Variants in GDPD4 observed in about 807,000 individuals in gnomAD.
The protein encoded by GDPD4 is glycerophosphodiester phosphodiesterase 6.
Under a neutral mutation model 67.8 loss-of-function variants are expected in GDPD4, and 60 were observed. The ratio of observed to expected loss-of-function variants is 0.88; its 90% confidence interval spans 0.72 to 1.10. The LOEUF (loss-of-function observed/expected upper bound fraction) is 1.10. Among genes scored for constraint, GDPD4 ranks in the 50% least tolerant of loss-of-function variants. The pLI, the probability that GDPD4 is intolerant of heterozygous loss-of-function variation, is 0.00. For missense variants in GDPD4, 623 were observed against 613.9 expected, an observed-to-expected ratio of 1.01 and a Z score of -0.16; for synonymous variants, 212 against 210.9, an observed-to-expected ratio of 1.00 and a Z score of -0.04.
intron 11 of GDPD4, among the ~76,000 whole-genome samples, chr11:77,246,558 G>T (rs907710461): frequency 1.2e-4 from 19 of 152,082 alleles, no homozygotes; most frequent in African/African-American, 4.6e-4. Flanking sequence ...TGCAACCTTG[G>T]TAATAAAACC....
intron 16 of GDPD4, among the ~76,000 whole-genome samples, chr11:77,223,429 A>G (rs1958265803): frequency 6.6e-6 from 1 of 152,074 alleles, no homozygotes; most frequent in African/African-American, 2.4e-5. Context: ...TTTTCCTTCT[A>G]ACAAACAGTC....
chr11:77,223,793 C>A (rs1958273264), intron 16 of GDPD4, among the ~76,000 whole-genome samples: 1 of 152,324 alleles, frequency 6.6e-6, no homozygotes, highest in African/African-American at 2.4e-5. Context: ...CTATGCCCTG[C>A]CCCCAGAGGT....
At position 77,243,795 on chromosome 11, in the gene GDPD4, A is replaced by G. The variant is rs1029143976; in HGVS notation, c.1140T>C (p.Gly380=). 2 of 1,613,700 alleles carry G rather than the reference A, an allele frequency of 1.2e-6. No homozygotes were observed. The highest frequency in any genetic ancestry group is 2.7e-5 in the African/African-American group (2 of 74,900). ...ATACTAAACGGCCCACATGCTGAAAACCAGGAGCCACGGACCTGACGTATT... is the reference window on the plus strand; with the variant it reads ...ATACTAAACGGCCCACATGCTGAAAGCCAGGAGCCACGGACCTGACGTATT... ...DRQYVRSVAP[G]FQHVGRLVSI... is the part of the protein sequence containing the mutation. The change falls in exon 13 of 17, where the codon GGT becomes GGC. Residue 380 remains glycine (G), a synonymous_variant. Transcript: ENST00000315938.
chr11:77,232,914 C>G (rs1449581956), intron 14 of GDPD4, 111 bp downstream of exon 14: 1 of 895,970 alleles, frequency 1.1e-6, no homozygotes, highest in African/African-American at 1.7e-5. Context: ...TCATAGAAGT[C>G]TGTACTCTTA....
intron 2 of GDPD4, 114 bp from the exon 3 acceptor site, chr11:77,285,301 T>A: frequency 3.3e-6 from 2 of 614,562 alleles, no homozygotes; most frequent in Non-Finnish European, 5.8e-6. Context: ...ATTACCCTCC[T>A]GAGGCTGGAG....
chr11:77,268,603 G>A (rs1286835403), intron 9 of GDPD4, 64 bp from the exon 10 acceptor site: 6 of 1,280,354 alleles, frequency 4.7e-6, no homozygotes, highest in Non-Finnish European at 6.8e-6. Flanking sequence ...TTCCTTTTGT[G>A]GTAGGGGTAG....
At chr11:77,268,797 CTT>C in intron 9 of GDPD4, 125 bp downstream of exon 9, 1 of 1,007,714 alleles carries the variant, frequency 9.9e-7, no homozygotes, top group Non-Finnish European at 1.5e-6. Flanking sequence ...ACAATGAACT[CTT>C]TATTCTTGCC....
chr11:77,262,854 C>CAAAAAAAAAAAAA lies in GDPD4; in HGVS notation c.708-4325_708-4313dup, dbSNP rs67911054. Among the ~76,000 whole-genome samples the CAAAAAAAAAAAAA allele has an allele frequency of 4.5e-5, 3 of 67,004 alleles. 1 individual carries two copies. The highest frequency in any genetic ancestry group is 7.6e-5 in the Non-Finnish European group (3 of 39,400). The allele number at this position is 67,004 out of a possible 152,430, so 44.0% of individuals were successfully genotyped here. ...TCTATCACTAAATCTTTCTCTGCTG[C>CAAAAAAAAAAAAA]AAAAAAAAAAAAAAAAAAAAAAAGG... On this transcript the variant is annotated intron_variant, in intron 10 of 16. Coordinates refer to ENST00000315938, the MANE Select transcript of GDPD4 (RefSeq NM_182833.3).
At chr11:77,264,972 CT>C (rs1959171640) in intron 10 of GDPD4, among the ~76,000 whole-genome samples, 1 of 152,084 alleles carries the variant, frequency 6.6e-6, no homozygotes, top group African/African-American at 2.4e-5. Context: ...AATAAGAGAG[CT>C]GCTCTGAAAT....
intron 13 of GDPD4, among the ~76,000 whole-genome samples, chr11:77,240,142 C>T (rs1958635736): frequency 7.0e-6 from 1 of 141,932 alleles, no homozygotes; most frequent in Non-Finnish European, 1.6e-5. Flanking sequence ...AAAAAAAAAT[C>T]CTTAAATTTG....
intron 11 of GDPD4, among the ~76,000 whole-genome samples, chr11:77,249,667 T>C (rs1344175517): frequency 6.6e-6 from 1 of 152,100 alleles, no homozygotes; most frequent in African/African-American, 2.4e-5. Flanking sequence ...AGTGCTCGGG[T>C]AGGAAAACTT....
At chr11:77,242,691 A>G (rs1353551915) in intron 13 of GDPD4, among the ~76,000 whole-genome samples, 1 of 150,442 alleles carries the variant, frequency 6.6e-6, no homozygotes, top group African/African-American at 2.5e-5. Context: ...TTTCTATTTG[A>G]AAAAAAAAGT....
At chr11:77,226,830 T>C (rs1340052753) in intron 16 of GDPD4, among the ~76,000 whole-genome samples, 1 of 152,190 alleles carries the variant, frequency 6.6e-6, no homozygotes, top group East Asian at 1.9e-4. Flanking sequence ...TTTCACAGCA[T>C]ATGAAAGACC....
chr11:77,252,159 G>A (rs2135852559), intron 11 of GDPD4, among the ~76,000 whole-genome samples: 1 of 151,318 alleles, frequency 6.6e-6, no homozygotes, highest in Admixed American at 6.6e-5. Flanking sequence ...CCCCTCCCGG[G>A]TTCAAGCATT....
rs1215698899 is a variant in GDPD4 at position 77,285,176 on chromosome 11, T to A, written c.-39A>T. 19 of 1,509,910 alleles carry A rather than the reference T, an allele frequency of 1.3e-5. No individual in the cohort carries two copies. Among genetic ancestry groups the A allele is most frequent in the Non-Finnish European group, 1.6e-5 (17 of 1,090,288 alleles). 93.5% of individuals were successfully genotyped at this position (1,509,910 alleles called of 1,614,324 possible). A position where few individuals can be genotyped will look rare whatever the true frequency, so the allele number is the denominator to read the frequency against. On this transcript the variant is annotated 5_prime_UTR_variant, in exon 3 of 17. Transcript: ENST00000315938. ...AATGAAATTACCAGGCACGGCAAAATAATTGCTCTTTCTGGGAAAAGAAAA... is the reference window on the plus strand; with the variant it reads ...AATGAAATTACCAGGCACGGCAAAAAAATTGCTCTTTCTGGGAAAAGAAAA...
intron 16 of GDPD4, among the ~76,000 whole-genome samples, chr11:77,219,990 T>A (rs1301628091): frequency 6.6e-6 from 1 of 152,204 alleles, no homozygotes; most frequent in Non-Finnish European, 1.5e-5. Flanking sequence ...TGATTTTGTA[T>A]CCTGAGATTT....
intron 11 of GDPD4, among the ~76,000 whole-genome samples, chr11:77,256,292 T>C (rs774912013): frequency 1.3e-5 from 2 of 152,210 alleles, no homozygotes; most frequent in Non-Finnish European, 2.9e-5. Context: ...ATTCAATATA[T>C]ACATCCTAAT....
In GDPD4 at chr11:77,243,729, AT is replaced by A. The variant is rs754733637; in HGVS notation, c.1205del (p.Asn402MetfsTer12). 6.2e-7 allele frequency: 1 copy of A among 1,607,902 alleles called. No homozygotes were observed. Among genetic ancestry groups the A allele is most frequent in the Non-Finnish European group, 8.5e-7 (1 of 1,176,068 alleles). On this transcript the variant is annotated frameshift_variant, in exon 13 of 17. Coordinates refer to ENST00000315938, the MANE Select transcript of GDPD4 (RefSeq NM_182833.3). LOFTEE classifies it high-confidence loss of function. The stretch of plus-strand genomic sequence containing the variant: ...TAGGGAACAACTTCTTGTAGTCAAC[AT>A]TTATTATACTGATATTGTTTTTAGC... ...TLAKNNISII[N>X]VDYKKLFPNG...
intron 5 of GDPD4, among the ~76,000 whole-genome samples, chr11:77,272,908 A>C (rs1358879844): frequency 1.3e-5 from 2 of 152,148 alleles, no homozygotes; most frequent in Non-Finnish European, 2.9e-5. Flanking sequence ...TTTTGAGCAA[A>C]ATATGAAGAA....
Sources: gnomAD v4.1 joint callset for allele counts (sites outside exome capture counted in the v4.1 genomes callset) on GRCh38, gnomAD v4.1.1 for gene constraint, MANE v1.5 for transcripts, NCBI Gene and HGNC (gene_info 2026-07-23, HGNC 2026-07-21) for gene names.